Variants in CFAP210 observed in about 807,000 individuals in gnomAD.
CFAP210 encodes the protein cilia and flagella associated protein 210, also known as cilia- and flagella- associated protein 210.
the CFAP210 span, chr2:169,654,223 A>C: frequency 1.3e-6 from 2 of 1,557,708 alleles, no homozygotes; most frequent in Non-Finnish European, 1.7e-6. Flanking sequence ...TCCTTGGGGG[A>C]AAAATTGTAT....
chr2:169,692,348 C>T, the CFAP210 span, among the ~76,000 whole-genome samples: 1 of 151,890 alleles, frequency 6.6e-6, no homozygotes, highest in Admixed American at 6.6e-5. Context: ...AAGCTAGTAT[C>T]GAGGTGCCAG....
chr2:169,688,942 C>A, the CFAP210 span, among the ~76,000 whole-genome samples: 3 of 152,280 alleles, frequency 2.0e-5, no homozygotes, highest in African/African-American at 7.2e-5. Context: ...TAAAGACATA[C>A]CTAAGACTGG....
the CFAP210 span, among the ~76,000 whole-genome samples, chr2:169,682,536 A>G: frequency 1.3e-5 from 2 of 152,220 alleles, no homozygotes; most frequent in East Asian, 3.9e-4. Flanking sequence ...GTTTCCTTAT[A>G]TTGCTCTCTT....
chr2:169,681,245 T>C, the CFAP210 span: 1 of 1,558,408 alleles, frequency 6.4e-7, no homozygotes. Context: ...TAATAAATTG[T>C]AAAAAATGAT....
At chr2:169,672,892 A>G in the CFAP210 span, among the ~76,000 whole-genome samples, 2 of 152,160 alleles carry the variant, frequency 1.3e-5, no homozygotes, top group South Asian at 2.1e-4. Context: ...ATTAACCATC[A>G]CAACATCCTC....
At chr2:169,672,333 T>C in the CFAP210 span, among the ~76,000 whole-genome samples, 1 of 152,214 alleles carries the variant, frequency 6.6e-6, no homozygotes, top group Non-Finnish European at 1.5e-5. Context: ...TCAGGGGTTT[T>C]CCAGAGAAAC....
At chr2:169,680,945 G>C in the CFAP210 span, 1 of 1,346,660 alleles carries the variant, frequency 7.4e-7, no homozygotes, top group Non-Finnish European at 1.0e-6. Flanking sequence ...AGAAGCATAA[G>C]AGTACTAAGA....
the CFAP210 span, among the ~76,000 whole-genome samples, chr2:169,654,893 CTA>C: frequency 5.9e-5 from 9 of 152,116 alleles, no homozygotes; most frequent in Non-Finnish European, 8.8e-5. Flanking sequence ...ACTCCATCCA[CTA>C]TGTCTCTTCC....
chr2:169,662,094 C>T, the CFAP210 span, among the ~76,000 whole-genome samples: 2 of 152,122 alleles, frequency 1.3e-5, no homozygotes, highest in African/African-American at 4.8e-5. Context: ...GTTCCCAACA[C>T]GAAGAAATGA....
chr2:169,649,379 A>G, the CFAP210 span: 1 of 1,580,174 alleles, frequency 6.3e-7, no homozygotes, highest in African/African-American at 1.4e-5. Context: ...AACATATAAA[A>G]CCAGTTATAG....
the CFAP210 span, among the ~76,000 whole-genome samples, chr2:169,646,759 A>C: frequency 6.6e-6 from 1 of 152,206 alleles, no homozygotes; most frequent in Non-Finnish European, 1.5e-5. Flanking sequence ...CCAAAAGCCA[A>C]TTTACCAATA....
the CFAP210 span, chr2:169,650,665 A>T: frequency 9.6e-7 from 1 of 1,042,324 alleles, no homozygotes; most frequent in Non-Finnish European, 1.3e-6. Context: ...ATATTATTTT[A>T]AGTGGACATT....
the CFAP210 span, chr2:169,662,288 G>A: frequency 1.6e-4 from 258 of 1,593,992 alleles, no homozygotes; most frequent in Admixed American, 6.3e-4. Context: ...ACAAGAAACC[G>A]TCTCCTGCTT....
chr2:169,669,592 A>G, the CFAP210 span, among the ~76,000 whole-genome samples: 2 of 152,166 alleles, frequency 1.3e-5, no homozygotes, highest in African/African-American at 4.8e-5. Context: ...GAAAAAAATC[A>G]ACATGAATTG....
chr2:169,679,629 C>T, the CFAP210 span, among the ~76,000 whole-genome samples: 1 of 135,176 alleles, frequency 7.4e-6, no homozygotes, highest in Non-Finnish European at 1.5e-5. Context: ...TGCAGTCAGC[C>T]GAGATTGCCC....
At chr2:169,681,210 G>A in the CFAP210 span, 3 of 1,612,280 alleles carry the variant, frequency 1.9e-6, no homozygotes, top group Non-Finnish European at 2.5e-6. Flanking sequence ...TAGAGAACTT[G>A]ATCTTCTTCA....
the CFAP210 span, among the ~76,000 whole-genome samples, chr2:169,650,069 CAAAT>C: frequency 6.6e-6 from 1 of 152,064 alleles, no homozygotes; most frequent in African/African-American, 2.4e-5. Flanking sequence ...AAAAGTATAA[CAAAT>C]AACCTTTGCG....
chr2:169,688,174 G>T, the CFAP210 span, among the ~76,000 whole-genome samples: 1 of 152,144 alleles, frequency 6.6e-6, no homozygotes, highest in East Asian at 1.9e-4. Context: ...TGACAGGAGG[G>T]GCTGCTGTGA....
At chr2:169,692,867 T>C in the CFAP210 span, among the ~76,000 whole-genome samples, 153 of 152,352 alleles carry the variant, frequency 1.0e-3, no homozygotes, top group African/African-American at 3.4e-3. Context: ...TATTTTTCAC[T>C]GTGATTACTG....
Sources: allele counts gnomAD v4.1 joint callset (sites outside exome capture counted in the v4.1 genomes callset), GRCh38; gene constraint gnomAD v4.1.1; transcripts MANE v1.5; gene names NCBI Gene and HGNC (gene_info 2026-07-23, HGNC 2026-07-21).